Variants in NEBL observed in about 807,000 individuals in gnomAD.
NEBL encodes the protein LIM and SH3 protein 2.
Under a neutral mutation model 140.2 loss-of-function variants are expected in NEBL, and 122 were observed. That is an observed-to-expected ratio of 0.87 (90% CI 0.75 to 1.01). The LOEUF (loss-of-function observed/expected upper bound fraction) is 1.01. NEBL is among the 50% of genes least tolerant of loss of function. The pLI, the probability that NEBL is intolerant of heterozygous loss-of-function variation, is 0.00. For synonymous variants in NEBL, 436 were observed against 398.9 expected, an observed-to-expected ratio of 1.09 and a Z score of -1.11; for missense variants, 1,365 against 1,231.3, an observed-to-expected ratio of 1.11 and a Z score of -1.62.
At chr10:21,169,067 A>AAAAAAAAAATATATATAT (rs1554830679) in intron 2 of NEBL, among the ~76,000 whole-genome samples, 1 of 23,072 alleles carries the variant, frequency 4.3e-5, no homozygotes, top group African/African-American at 1.3e-4. Flanking sequence ...AAAAAAAAAA[A>AAAAAAAAAATATATATAT]ATATATATAT....
chr10:21,239,840 C>G (rs934739557), intron 3 of NEBL, among the ~76,000 whole-genome samples: 7 of 151,986 alleles, frequency 4.6e-5, no homozygotes, highest in African/African-American at 1.5e-4. Flanking sequence ...CATGGTGAAA[C>G]CCCATCTCTA....
chr10:21,146,334 T>C (rs577378254), intron 2 of NEBL: 18 of 1,607,362 alleles, frequency 1.1e-5, no homozygotes, highest in Admixed American at 5.0e-5. Flanking sequence ...CCCCAACACA[T>C]ACTCTACCTG....
intron 2 of NEBL, among the ~76,000 whole-genome samples, chr10:21,041,641 C>T (rs1834271174): frequency 6.6e-6 from 1 of 151,788 alleles, no homozygotes. Flanking sequence ...TCCCTCTACT[C>T]TTTTTTTTAT....
intron 4 of NEBL, among the ~76,000 whole-genome samples, chr10:20,952,429 T>A (rs1205876730): frequency 7.8e-6 from 1 of 128,000 alleles, no homozygotes; most frequent in South Asian, 2.6e-4. Context: ...AGCGTGAGAC[T>A]CTGTCTGAAG....
intron 2 of NEBL, among the ~76,000 whole-genome samples, chr10:21,114,999 T>C (rs1838214979): frequency 1.3e-5 from 2 of 152,076 alleles, no homozygotes; most frequent in Non-Finnish European, 2.9e-5. Flanking sequence ...TTAACTTCTT[T>C]TTAATTAAGT....
At chr10:21,285,651 TGA>T in intron 1 of NEBL, among the ~76,000 whole-genome samples, 1 of 152,346 alleles carries the variant, frequency 6.6e-6, no homozygotes, top group East Asian at 1.9e-4. Flanking sequence ...CTAAATTAAC[TGA>T]CACCTGTCTT....
At chr10:21,185,738 C>T (rs755142895) in intron 3 of NEBL, among the ~76,000 whole-genome samples, 126 of 152,152 alleles carry the variant, frequency 8.3e-4, no homozygotes, top group Non-Finnish European at 1.4e-3. Flanking sequence ...CTCAGTTGAT[C>T]CACCTCGCCT....
intron 26 of NEBL, among the ~76,000 whole-genome samples, chr10:20,799,924 C>CGTGTGTGT (rs145863273): frequency 6.7e-6 from 1 of 149,402 alleles, no homozygotes; most frequent in East Asian, 2.0e-4. Context: ...CCATCTGGCA[C>CGTGTGTGT]GTGTGTGTGT....
At chr10:20,942,284 G>A (rs904906132) in intron 4 of NEBL, among the ~76,000 whole-genome samples, 22 of 152,128 alleles carry the variant, frequency 1.4e-4, no homozygotes, top group East Asian at 1.4e-3. Context: ...AAATAATGCC[G>A]CATATCTACA....
upstream of NEBL, among the ~76,000 whole-genome samples, chr10:21,293,023 C>T (rs1337844852): frequency 6.6e-6 from 1 of 152,176 alleles, no homozygotes; most frequent in South Asian, 2.1e-4. Flanking sequence ...TGGTTCCTCC[C>T]AGCGCTAGTC....
Position 21,120,411 on chromosome 10 carries a change from TA to T in NEBL, c.164+51971del, listed in dbSNP as rs1564518111. 4.1e-4 allele frequency among the ~76,000 whole-genome samples: 52 copies of T among 126,616 alleles called. 6 individuals are homozygous for T. Among genetic ancestry groups the T allele is most frequent in the East Asian group, 1.8e-3 (7 of 3,802 alleles). The allele number at this position is 126,616 out of a possible 152,430, so 83.1% of individuals were successfully genotyped here. ...AAAAATACATATATATATATATATA[TA>T]TATATATATATAAATTTGATCACTG... On this transcript the variant is annotated intron_variant, in intron 2 of 6. Transcript: ENST00000417816.
At chr10:21,202,238 A>T (rs1203224519) in intron 3 of NEBL, among the ~76,000 whole-genome samples, 1 of 152,148 alleles carries the variant, frequency 6.6e-6, no homozygotes, top group African/African-American at 2.4e-5. Context: ...AGGTAATTTT[A>T]AAAATGAGTA....
intron 2 of NEBL, among the ~76,000 whole-genome samples, chr10:21,115,786 AT>A (rs1337907994): frequency 6.6e-6 from 1 of 151,036 alleles, no homozygotes; most frequent in African/African-American, 2.4e-5. Flanking sequence ...ATTTCTTTAG[AT>A]TTTTTTCTGT....
intron 4 of NEBL, among the ~76,000 whole-genome samples, chr10:20,945,034 C>T (rs1352679106): frequency 1.3e-5 from 2 of 152,124 alleles, no homozygotes; most frequent in African/African-American, 4.8e-5. Flanking sequence ...TATTTCCTTA[C>T]TAAAAAATAC....
At chr10:21,118,749 G>A (rs1257812445) in intron 2 of NEBL, among the ~76,000 whole-genome samples, 2 of 152,116 alleles carry the variant, frequency 1.3e-5, no homozygotes, top group Non-Finnish European at 2.9e-5. Flanking sequence ...TGTGCGAAAT[G>A]AGTCTTAATA....
At chr10:21,056,040 A>G (rs1012139351) in intron 2 of NEBL, among the ~76,000 whole-genome samples, 1 of 152,194 alleles carries the variant, frequency 6.6e-6, no homozygotes, top group Non-Finnish European at 1.5e-5. Context: ...CTGCCTTAAC[A>G]TTAGAGTAGA....
rs543589767 is a variant in NEBL, at chr10:20,950,533, T to A, written c.357+11139A>T. Among the ~76,000 whole-genome samples the A allele has an allele frequency of 3.9e-5, 6 of 152,320 alleles. No individual in the cohort carries two copies. The South Asian group carries it at 1.0e-3, about 26-fold the overall frequency. Reference sequence around the variant, plus strand: ...GCCCTCATGCATCCTAGGATGAACATGAAACACATCCAGAAAAGTGGTTTT... The same window carrying A: ...GCCCTCATGCATCCTAGGATGAACAAGAAACACATCCAGAAAAGTGGTTTT... On this transcript the variant is annotated intron_variant, in intron 4 of 6. Transcript: ENST00000417816.
At position 21,025,239 on chromosome 10, in the gene NEBL, G is replaced by T. The variant is rs187521574; in HGVS notation, c.165-5038C>A. Reference sequence around the variant, plus strand: ...TAATTGTGGAAATATGACATGTAACGCATTCAGAGCTGGTTGAGAGATGTG... The same window carrying T: ...TAATTGTGGAAATATGACATGTAACTCATTCAGAGCTGGTTGAGAGATGTG... On this transcript the variant is annotated intron_variant, in intron 2 of 6. Transcript: ENST00000417816. Among the ~76,000 whole-genome samples the T allele has an allele frequency of 9.9e-5, 15 of 152,218 alleles. 1 individual carries two copies. The South Asian group carries it at 3.1e-3, about 32-fold the overall frequency.
chr10:21,192,499 AT>A (rs201383052), intron 3 of NEBL, among the ~76,000 whole-genome samples: 1,503 of 148,052 alleles, frequency 0.01, 36 homozygotes, highest in African/African-American at 0.034. Context: ...GCCAATAGAC[AT>A]TTTTTTTTAA....
Sources: gnomAD v4.1 joint callset for allele counts (sites outside exome capture counted in the v4.1 genomes callset) on GRCh38, gnomAD v4.1.1 for gene constraint, MANE v1.5 for transcripts, NCBI Gene and HGNC (gene_info 2026-07-23, HGNC 2026-07-21) for gene names.